MIXL1: variants seen among roughly 807,000 people sequenced by gnomAD.
MIXL1 encodes Mix paired-like homeobox.
Under a neutral mutation model 9.3 loss-of-function variants are expected in MIXL1, and 9 were observed. The observed-to-expected ratio is 0.97, with a 90% confidence interval of 0.58 to 1.69. MIXL1 has a LOEUF of 1.69. MIXL1 is among the 40% of genes most tolerant of loss of function. The probability of loss-of-function intolerance (pLI) is 0.00; values close to 1 mark genes in which losing one functional copy is unlikely to be tolerated. For missense variants in MIXL1, 330 were observed against 331.7 expected (o/e 0.99, Z 0.04); for synonymous variants, 164 against 155.6 (o/e 1.05, Z -0.40).
chr1:226,224,122 C>A, intron 1 of MIXL1, 48 bp downstream of exon 1: 1 of 1,252,000 alleles, frequency 8.0e-7, no homozygotes, highest in Non-Finnish European at 1.0e-6. Context: ...GGAGGCGCTG[C>A]GGACTCTAGG....
At position 226,223,693 on chromosome 1, in the gene MIXL1, C is replaced by T; in HGVS notation, c.12C>T (p.Ala4=). 2.0e-6 allele frequency: 3 copies of T among 1,471,974 alleles called. No homozygotes were observed. The South Asian group carries it at 4.0e-5, about 19-fold the overall frequency. The allele number at this position is 1,471,974 out of a possible 1,614,324, so 91.2% of individuals were successfully genotyped here. A position where few individuals can be genotyped will look rare whatever the true frequency, so the allele number is the denominator to read the frequency against. Residue 4 remains alanine (A), a synonymous_variant, in exon 1 of 2, where the codon GCC becomes GCT. Coordinates refer to ENST00000366810, the MANE Select transcript of MIXL1 (RefSeq NM_031944.3). ...TGGGTTCCGGAGCGATGGCCACAGC[C>T]GAGTCCCGTGCGCTCCAGTTTGCCG... is the stretch of plus-strand genomic sequence containing the variant. MAT[A]ESRALQFAEG... is the part of the protein sequence containing the mutation.
At position 226,225,888 on chromosome 1, in the gene MIXL1, CCTTT is replaced by C; in HGVS notation, c.*79_*82del. The C allele has an allele frequency of 8.5e-7, 1 of 1,181,780 alleles. No homozygotes were observed. The highest frequency in any genetic ancestry group is 2.1e-5 in the Admixed American group (1 of 47,468). The allele number at this position is 1,181,780 out of a possible 1,614,324, so 73.2% of individuals were successfully genotyped here. On this transcript the variant is annotated 3_prime_UTR_variant, in exon 2 of 2. Coordinates refer to ENST00000366810, the MANE Select transcript of MIXL1 (RefSeq NM_031944.3). ...TGGGAGAGACACATCAGCATACTGT[CCTTT>C]CTGACTTCCATGCTAAGGACATGTC...
In MIXL1 at chr1:226,225,745, C is replaced by T. The variant is rs762979565; in HGVS notation, c.632C>T (p.Ser211Phe). The T allele has an allele frequency of 2.1e-5, 34 of 1,614,088 alleles. No homozygotes were observed. The highest frequency in any genetic ancestry group is 8.3e-5 in the Admixed American group (5 of 60,002). The change falls in exon 2 of 2, where the codon TCT (serine) becomes TTT (phenylalanine). Residue 211 changes from serine (S) to phenylalanine (F), a missense_variant. Coordinates refer to ENST00000366810, the MANE Select transcript of MIXL1 (RefSeq NM_031944.3). ...AATTTTGAAACCTGTTCCCCTCTCT[C>T]TGAAGACATTGGTTCAAAGCTGGAC... is the stretch of plus-strand genomic sequence containing the variant. ...GQNFETCSPL[S>F]EDIGSKLDSW...
At chr1:226,224,484 G>A (rs1447812494) in intron 1 of MIXL1, among the ~76,000 whole-genome samples, 1 of 152,204 alleles carries the variant, frequency 6.6e-6, no homozygotes, top group African/African-American at 2.4e-5. Flanking sequence ...AAACGGGGAA[G>A]GCTGGCTCGC....
chr1:226,224,001 G>A lies in MIXL1; in HGVS notation c.320G>A (p.Arg107Gln), dbSNP rs1413182644. The change falls in exon 1 of 2, where the codon CGG becomes CAG. Residue 107 changes from arginine (R) to glutamine (Q), a missense_variant. Coordinates refer to ENST00000366810, the MANE Select transcript of MIXL1 (RefSeq NM_031944.3). ...CAGCTGCTGGAGCTCGTCTTCCGCCGGACCCGGTACCCCGACATCCACTTG... is the reference window on the plus strand; with the variant it reads ...CAGCTGCTGGAGCTCGTCTTCCGCCAGACCCGGTACCCCGACATCCACTTG... Reference protein sequence around the residue: ...QLQLLELVFRRTRYPDIHLRE... With the variant: ...QLQLLELVFRQTRYPDIHLRE... 1.4e-6 allele frequency: 2 copies of A among 1,444,910 alleles called. No homozygotes were observed. The highest frequency in any genetic ancestry group is 1.8e-6 in the Non-Finnish European group (2 of 1,086,808). 89.5% of individuals were successfully genotyped at this position (1,444,910 alleles called of 1,614,324 possible). A position where few individuals can be genotyped will look rare whatever the true frequency, so the allele number is the denominator to read the frequency against.
In MIXL1 at chr1:226,226,022, G is replaced by A. The variant is rs190033621; in HGVS notation, c.*210G>A. Reference sequence around the variant, plus strand: ...CCCACACTCCCACCCCAGAGTTCCCGCATTCGTTTTTACCTGTGTTCTCTC... The same window carrying A: ...CCCACACTCCCACCCCAGAGTTCCCACATTCGTTTTTACCTGTGTTCTCTC... On this transcript the variant is annotated 3_prime_UTR_variant, in exon 2 of 2. Transcript: ENST00000366810. The A allele has an allele frequency of 1.0e-4, 57 of 549,546 alleles. 1 individual carries two copies. Among genetic ancestry groups the A allele is most frequent in the African/African-American group, 9.8e-4 (52 of 53,010 alleles). The allele number at this position is 549,546 out of a possible 1,614,324, so 34.0% of individuals were successfully genotyped here.
At chr1:226,225,425 A>G in intron 1 of MIXL1, 82 bp from the exon 2 acceptor site, 1 of 1,485,878 alleles carries the variant, frequency 6.7e-7, no homozygotes, top group African/African-American at 1.4e-5. Flanking sequence ...TTAAACTGGA[A>G]CTTACCAGTA....
chr1:226,223,701 G>T lies in MIXL1; in HGVS notation c.20G>T (p.Arg7Leu). The change falls in exon 1 of 2, where the codon CGT becomes CTT. Residue 7 changes from arginine (R) to leucine (L), a missense_variant. By Grantham distance (102) the Arg-to-Leu change is moderately radical. Transcript: ENST00000366810. Reference sequence around the variant, plus strand: ...GGAGCGATGGCCACAGCCGAGTCCCGTGCGCTCCAGTTTGCCGAGGGCGCC... The same window carrying T: ...GGAGCGATGGCCACAGCCGAGTCCCTTGCGCTCCAGTTTGCCGAGGGCGCC... MATAESRALQFAEGAAF... is the reference protein window; with the variant it reads MATAESLALQFAEGAAF... 1 of 1,470,858 alleles carries T rather than the reference G, an allele frequency of 6.8e-7. No individual in the cohort carries two copies. The highest frequency in any genetic ancestry group is 1.3e-5 in the South Asian group (1 of 75,850). 91.1% of individuals were successfully genotyped at this position (1,470,858 alleles called of 1,614,324 possible). A position where few individuals can be genotyped will look rare whatever the true frequency, so the allele number is the denominator to read the frequency against.
In MIXL1 at chr1:226,223,691, G is replaced by A. The variant is rs943350201; in HGVS notation, c.10G>A (p.Ala4Thr). Residue 4 changes from alanine to threonine, a missense_variant, in exon 1 of 2, where the codon GCC becomes ACC. Physicochemically the swap from Ala to Thr is moderately conservative, Grantham distance 58. Coordinates refer to ENST00000366810, the MANE Select transcript of MIXL1 (RefSeq NM_031944.3). MAT[A>T]ESRALQFAEG... ...GCTGGGTTCCGGAGCGATGGCCACA[G>A]CCGAGTCCCGTGCGCTCCAGTTTGC... 4 of 1,472,352 alleles carry A rather than the reference G, an allele frequency of 2.7e-6. No homozygotes were observed. The highest frequency in any genetic ancestry group is 3.6e-6 in the Non-Finnish European group (4 of 1,119,724). The allele number at this position is 1,472,352 out of a possible 1,614,324, so 91.2% of individuals were successfully genotyped here.
At position 226,225,703 on chromosome 1, in the gene MIXL1, C is replaced by T. The variant is rs1184687144; in HGVS notation, c.590C>T (p.Ser197Phe). The T allele has an allele frequency of 1.2e-6, 2 of 1,614,082 alleles. No individual in the cohort carries two copies. Among genetic ancestry groups the T allele is most frequent in the African/African-American group, 1.3e-5 (1 of 74,926 alleles). ...GGGGTTGGAGGGGGCATCTCTGACT[C>T]TAGCTCCCAAGGTCAGAATTTTGAA... ...PNGVGGGISD[S>F]SSQGQNFETC... is the part of the protein sequence containing the mutation. The change falls in exon 2 of 2, where the codon TCT becomes TTT. Residue 197 changes from serine (S) to phenylalanine (F), a missense_variant. Ser to Phe is a radical substitution (Grantham distance 155). Coordinates refer to ENST00000366810, the MANE Select transcript of MIXL1 (RefSeq NM_031944.3).
Position 226,225,586 on chromosome 1 carries a change from T to A in MIXL1, c.473T>A (p.Ile158Asn). The change falls in exon 2 of 2, where the codon ATC becomes AAC. Residue 158 changes from isoleucine to asparagine, a missense_variant. Coordinates refer to ENST00000366810, the MANE Select transcript of MIXL1 (RefSeq NM_031944.3). The part of the protein sequence containing the change: ...SFQPLARPEI[I>N]LNHCAPGTET... ...CAACCTTTGGCTAGGCCGGAGATTATCCTCAACCACTGTGCTCCTGGAACT... is the reference window on the plus strand; with the variant it reads ...CAACCTTTGGCTAGGCCGGAGATTAACCTCAACCACTGTGCTCCTGGAACT... 1 of 1,614,206 alleles carries A rather than the reference T, an allele frequency of 6.2e-7. No homozygotes were observed. Among genetic ancestry groups the A allele is most frequent in the East Asian group, 2.2e-5 (1 of 44,886 alleles).
rs1005622947 is a variant in MIXL1 at position 226,223,757 on chromosome 1, G to A, written c.76G>A (p.Gly26Ser). 1.4e-6 allele frequency: 2 copies of A among 1,421,614 alleles called. No individual in the cohort carries two copies. The highest frequency in any genetic ancestry group is 1.8e-6 in the Non-Finnish European group (2 of 1,090,222). 88.1% of individuals were successfully genotyped at this position (1,421,614 alleles called of 1,614,324 possible). The change falls in exon 1 of 2, where the codon GGC (glycine) becomes AGC (serine). Residue 26 changes from glycine (G) to serine (S), a missense_variant. Physicochemically the swap from Gly to Ser is moderately conservative, Grantham distance 56. Transcript: ENST00000366810. ...AFPAYRAPHA[G>S]GALLPPPSPA... ...TCCAGCGTACCGGGCCCCCCACGCC[G>A]GCGGGGCGCTCCTGCCGCCCCCGAG...
chr1:226,225,600 G>T lies in MIXL1; in HGVS notation c.487G>T (p.Ala163Ser), dbSNP rs375666833. The change falls in exon 2 of 2, where the codon GCT becomes TCT. Residue 163 changes from alanine to serine, a missense_variant. By Grantham distance (99) the Ala-to-Ser change is moderately conservative. Coordinates refer to ENST00000366810, the MANE Select transcript of MIXL1 (RefSeq NM_031944.3). ...GCCGGAGATTATCCTCAACCACTGT[G>T]CTCCTGGAACTGAAACGAAATGTCT... is the stretch of plus-strand genomic sequence containing the variant. ...ARPEIILNHCAPGTETKCLKP... is the reference protein window; with the variant it reads ...ARPEIILNHCSPGTETKCLKP... The T allele has an allele frequency of 3.7e-6, 6 of 1,614,058 alleles. No individual in the cohort carries two copies. In the Admixed American group the frequency reaches 8.3e-5, roughly 22 times the overall value.
intron 1 of MIXL1, among the ~76,000 whole-genome samples, chr1:226,225,097 G>A (rs1374675343): frequency 6.6e-6 from 1 of 152,090 alleles, no homozygotes; most frequent in Non-Finnish European, 1.5e-5. Flanking sequence ...CACCCCTGGC[G>A]GTCATACAGC....
In MIXL1 at chr1:226,225,526, G is replaced by A. The variant is rs1384538638; in HGVS notation, c.413G>A (p.Arg138His). 6.2e-7 allele frequency: 1 copy of A among 1,614,054 alleles called. No individual in the cohort carries two copies. Among genetic ancestry groups the A allele is most frequent in the Non-Finnish European group, 8.5e-7 (1 of 1,180,032 alleles). ...TTCCAGGTATGGTTCCAGAACAGGC[G>A]TGCCAAGTCTCGGCGTCAGAGTGGG... ...SRIQVWFQNR[R>H]AKSRRQSGKS... Residue 138 changes from arginine (R) to histidine (H), a missense_variant, in exon 2 of 2, where the codon CGT becomes CAT. Arg to His is a conservative substitution (Grantham distance 29). Coordinates refer to ENST00000366810, the MANE Select transcript of MIXL1 (RefSeq NM_031944.3).
At position 226,225,544 on chromosome 1, in the gene MIXL1, A is replaced by C; in HGVS notation, c.431A>C (p.Gln144Pro). 1 of 1,614,254 alleles carries C rather than the reference A, an allele frequency of 6.2e-7. No individual in the cohort carries two copies. The highest frequency in any genetic ancestry group is 1.1e-5 in the South Asian group (1 of 91,084). Residue 144 changes from glutamine (Q) to proline (P), a missense_variant, in exon 2 of 2, where the codon CAG becomes CCG. Physicochemically the swap from Gln to Pro is moderately conservative, Grantham distance 76. Transcript: ENST00000366810. ...FQNRRAKSRR[Q>P]SGKSFQPLAR... ...AACAGGCGTGCCAAGTCTCGGCGTC[A>C]GAGTGGGAAATCCTTCCAACCTTTG...
Position 226,225,953 on chromosome 1 carries a change from T to C in MIXL1, c.*141T>C. Reference sequence around the variant, plus strand: ...TTGATGATGGTTTTGACAGCACCTCTCACATTTGAAGGTACCCCGCCACTT... The same window carrying C: ...TTGATGATGGTTTTGACAGCACCTCCCACATTTGAAGGTACCCCGCCACTT... On this transcript the variant is annotated 3_prime_UTR_variant, in exon 2 of 2. Transcript: ENST00000366810. The C allele has an allele frequency of 1.3e-6, 1 of 745,130 alleles. No homozygotes were observed. The allele number at this position is 745,130 out of a possible 1,614,324, so 46.2% of individuals were successfully genotyped here.
At chr1:226,224,268 A>C (rs948125421) in intron 1 of MIXL1, among the ~76,000 whole-genome samples, 194 bp downstream of exon 1, 2 of 152,242 alleles carry the variant, frequency 1.3e-5, no homozygotes, top group African/African-American at 2.4e-5. Context: ...CCTGTGTGAA[A>C]TAATTTAGGC....
chr1:226,225,356 C>A (rs1576258555), intron 1 of MIXL1, 151 bp from the exon 2 acceptor site: 1 of 777,554 alleles, frequency 1.3e-6, no homozygotes, highest in East Asian at 2.6e-5. Context: ...TTCTGAACTT[C>A]TAATCGTCAA....
Sources: gnomAD v4.1 joint callset for allele counts (sites outside exome capture counted in the v4.1 genomes callset) on GRCh38, gnomAD v4.1.1 for gene constraint, MANE v1.5 for transcripts, NCBI Gene and HGNC (gene_info 2026-07-23, HGNC 2026-07-21) for gene names.